CCDC149: variants seen among roughly 807,000 people sequenced by gnomAD.
CCDC149 encodes the protein coiled-coil domain containing 149.
A neutral mutation model predicts 59.9 loss-of-function variants in CCDC149; 45 were observed. The ratio of observed to expected loss-of-function variants is 0.75; its 90% CI spans 0.59 to 0.96. CCDC149 has a LOEUF of 0.96. Ranked by LOEUF, CCDC149 falls within the 40% of genes least tolerant of loss-of-function variation. The pLI is 0.00. For missense variants in CCDC149, 584 were observed against 664.7 expected, an observed-to-expected ratio of 0.88 and a Z score of 1.33; for synonymous variants, 245 against 260.6, an observed-to-expected ratio of 0.94 and a Z score of 0.58.
At chr4:24,917,449 C>T (rs1477640217), upstream of CCDC149, among the ~76,000 whole-genome samples, 3 of 152,036 alleles carry the variant, frequency 2.0e-5, no homozygotes, top group Admixed American at 1.3e-4. Flanking sequence ...TTGGCTTGGG[C>T]GTTGTGGGAG....
In CCDC149 at chr4:24,808,312, A is replaced by G. The variant is rs750691869; in HGVS notation, c.*77T>C. 1.0e-4 allele frequency: 134 copies of G among 1,317,458 alleles called. No homozygotes were observed. The highest frequency in any genetic ancestry group is 1.3e-4 in the Non-Finnish European group (132 of 1,001,550). The allele number at this position is 1,317,458 out of a possible 1,614,324, so 81.6% of individuals were successfully genotyped here. ...AGGTATTTCAGGAGAAGGCGACGTG[A>G]GCGCACCATTCCGATGCTTCATTCT... On this transcript the variant is annotated 3_prime_UTR_variant, in exon 13 of 13. Coordinates refer to ENST00000635206, the MANE Select transcript of CCDC149 (RefSeq NM_001330643.2).
chr4:24,813,489 A>AATATATCTATATAT (rs1186488610), intron 12 of CCDC149, among the ~76,000 whole-genome samples: 33 of 113,722 alleles, frequency 2.9e-4, no homozygotes, highest in African/African-American at 1.1e-3. Flanking sequence ...CAGCTTGGGG[A>AATATATCTATATAT]ATATATATAT....
At chr4:24,863,590 A>G (rs537544871) in intron 3 of CCDC149, among the ~76,000 whole-genome samples, 1 of 152,230 alleles carries the variant, frequency 6.6e-6, no homozygotes, top group Non-Finnish European at 1.5e-5. Flanking sequence ...TCCTCTTCAA[A>G]GCTCATCTTG....
intron 12 of CCDC149, among the ~76,000 whole-genome samples, chr4:24,817,039 C>G (rs1011646945): frequency 6.6e-6 from 1 of 152,140 alleles, no homozygotes; most frequent in Non-Finnish European, 1.5e-5. Flanking sequence ...TCCCACCCAG[C>G]GCTGTCAGAG....
At chr4:24,878,038 G>A (rs1248960056) in intron 1 of CCDC149, among the ~76,000 whole-genome samples, 2 of 152,060 alleles carry the variant, frequency 1.3e-5, no homozygotes, top group Admixed American at 6.6e-5. Flanking sequence ...CATTATGGAC[G>A]CTCACACAAA....
chr4:24,819,716 G>T, intron 12 of CCDC149, 143 bp downstream of exon 12: 1 of 709,718 alleles, frequency 1.4e-6, no homozygotes, highest in Non-Finnish European at 2.5e-6. Flanking sequence ...ACCCACATAA[G>T]CAACAAGAGG....
At chr4:24,849,372 T>C (rs987669155) in intron 4 of CCDC149, among the ~76,000 whole-genome samples, 19 of 152,222 alleles carry the variant, frequency 1.2e-4, no homozygotes, top group Admixed American at 7.2e-4. Flanking sequence ...TGGTATCCAG[T>C]AGGTTTCCCT....
At chr4:24,866,478 C>A (rs1423981859) in intron 3 of CCDC149, among the ~76,000 whole-genome samples, 1 of 152,022 alleles carries the variant, frequency 6.6e-6, no homozygotes, top group Non-Finnish European at 1.5e-5. Context: ...GCTTGTTTAG[C>A]AAAAGAAAAA....
intron 1 of CCDC149, among the ~76,000 whole-genome samples, chr4:24,905,882 C>T (rs570360885): frequency 4.6e-5 from 7 of 152,302 alleles, no homozygotes; most frequent in South Asian, 4.2e-4. Context: ...ATGTACAATT[C>T]TCCACTCATC....
At chr4:24,817,925 T>A (rs1715119299) in intron 12 of CCDC149, among the ~76,000 whole-genome samples, 1 of 151,560 alleles carries the variant, frequency 6.6e-6, no homozygotes, top group South Asian at 2.1e-4. Flanking sequence ...GGCTGCAGAG[T>A]TGAGATGTTA....
intron 1 of CCDC149, among the ~76,000 whole-genome samples, chr4:24,962,469 C>G (rs1315121184): frequency 6.6e-6 from 1 of 152,096 alleles, no homozygotes; most frequent in Non-Finnish European, 1.5e-5. Context: ...GGGTATATAC[C>G]CAAAGGACTA....
intron 3 of CCDC149, among the ~76,000 whole-genome samples, chr4:24,854,800 G>C (rs552304546): frequency 6.6e-6 from 1 of 152,272 alleles, no homozygotes; most frequent in East Asian, 1.9e-4. Context: ...CCCCCACACA[G>C]ACCAGGCATG....
At chr4:24,945,667 GCTGGAGTTCAGTGGTGCAATCTCAGCTTA>G (rs1403682004) in intron 1 of CCDC149, among the ~76,000 whole-genome samples, 1 of 150,552 alleles carries the variant, frequency 6.6e-6, no homozygotes, top group African/African-American at 2.5e-5. Flanking sequence ...TATCAGCCAG[GCTGGAGTTCAGTGGTGCAATCTCAGCTTA>G]CTGCAACCTC....
At chr4:24,885,639 A>C (rs184301613) in intron 1 of CCDC149, among the ~76,000 whole-genome samples, 1 of 152,318 alleles carries the variant, frequency 6.6e-6, no homozygotes, top group African/African-American at 2.4e-5. Flanking sequence ...AAGGAAAAAC[A>C]GGGAAATATC....
Position 24,837,071 on chromosome 4 carries a change from T to C in CCDC149, c.662+157A>G, listed in dbSNP as rs527801447. Among the ~76,000 whole-genome samples, 55 of 152,324 alleles carry C rather than the reference T, an allele frequency of 3.6e-4. No homozygotes were observed. Among genetic ancestry groups the C allele is most frequent in the African/African-American group, 1.3e-3 (55 of 41,580 alleles). On this transcript the variant is annotated intron_variant, in intron 6 of 12. Transcript: ENST00000635206. The surrounding 1 kb of genome is among the most constrained non-coding windows in gnomAD (Gnocchi z 4.3). ...TTTCCTTTTTCACTTTTGCAACTAA[T>C]ACATGGCATTGATGTCATCATTTCG...
chr4:24,831,480 C>A, intron 9 of CCDC149, 26 bp downstream of exon 9: 2 of 1,612,392 alleles, frequency 1.2e-6, no homozygotes, highest in Non-Finnish European at 1.7e-6. Context: ...GCGCCCACCC[C>A]CCAACACAAG....
chr4:24,978,707 C>T (rs1026840306), intron 1 of CCDC149, among the ~76,000 whole-genome samples: 5 of 152,170 alleles, frequency 3.3e-5, no homozygotes, highest in South Asian at 2.1e-4. Flanking sequence ...CGCCACCCAC[C>T]GCCCACCAGA....
intron 4 of CCDC149, 27 bp from the exon 5 acceptor site, chr4:24,838,299 A>G (rs1215357932): frequency 5.8e-6 from 9 of 1,540,196 alleles, no homozygotes; most frequent in Non-Finnish European, 8.1e-6. Context: ...TAGAAAAAGA[A>G]AAAGGCACAG....
chr4:24,861,533 T>G (rs1258229036), intron 3 of CCDC149, among the ~76,000 whole-genome samples: 1 of 152,042 alleles, frequency 6.6e-6, no homozygotes, highest in Non-Finnish European at 1.5e-5. Context: ...TTGGGTACAG[T>G]GCACACTGCT....
Sources: gnomAD v4.1 joint callset for allele counts (sites outside exome capture counted in the v4.1 genomes callset) on GRCh38, gnomAD v4.1.1 for gene constraint, Gnocchi (gnomAD v3.1) non-coding constraint, MANE v1.5 for transcripts, NCBI Gene and HGNC (gene_info 2026-07-23, HGNC 2026-07-21) for gene names.